TRIM44: variants seen among roughly 807,000 people sequenced by gnomAD.
The protein encoded by TRIM44 is tripartite motif containing 44, also known as tripartite motif-containing protein 44.
A neutral mutation model predicts 37.4 loss-of-function variants in TRIM44; 13 were observed. The ratio of observed to expected loss-of-function variants is 0.35; its 90% confidence interval spans 0.23 to 0.55. The LOEUF (loss-of-function observed/expected upper bound fraction) is 0.55. Ranked by LOEUF, TRIM44 falls within the 20% of genes least tolerant of loss-of-function variation. TRIM44 has a pLI of 0.89. For missense variants in TRIM44, 426 were observed against 437.2 expected (o/e 0.97, Z 0.23); for synonymous variants, 175 against 157.2 (o/e 1.11, Z -0.85).
intron 1 of TRIM44, among the ~76,000 whole-genome samples, chr11:35,668,446 G>T (rs780687395): frequency 6.6e-6 from 1 of 152,224 alleles, no homozygotes; most frequent in Non-Finnish European, 1.5e-5. Context: ...GCTCCCACTT[G>T]TAAGTGAGAA....
At chr11:35,679,464 A>G (rs2135487754) in intron 1 of TRIM44, among the ~76,000 whole-genome samples, 1 of 152,340 alleles carries the variant, frequency 6.6e-6, no homozygotes, top group Non-Finnish European at 1.5e-5. Context: ...AACACAAGGA[A>G]CATTAGAGGT....
Position 35,663,080 on chromosome 11 carries a change from C to A in TRIM44, c.-32C>A. 6.7e-7 allele frequency: 1 copy of A among 1,488,270 alleles called. No homozygotes were observed. The highest frequency in any genetic ancestry group is 8.9e-7 in the Non-Finnish European group (1 of 1,127,114). The allele number at this position is 1,488,270 out of a possible 1,614,324, so 92.2% of individuals were successfully genotyped here. A position where few individuals can be genotyped will look rare whatever the true frequency, so the allele number is the denominator to read the frequency against. ...GGAAGGAAGGCGGCGAGCCCCGGGG[C>A]CCCGAGGCCTTGGCCGCGTCACAGC... On this transcript the variant is annotated 5_prime_UTR_variant, in exon 1 of 5. Transcript: ENST00000299413.
intron 2 of TRIM44, among the ~76,000 whole-genome samples, chr11:35,691,777 T>A (rs1367783770): frequency 6.6e-6 from 1 of 152,162 alleles, no homozygotes; most frequent in Non-Finnish European, 1.5e-5. Flanking sequence ...CCCAAGTAGT[T>A]GGGACTATAG....
At chr11:35,672,197 A>G (rs1162484681) in intron 1 of TRIM44, among the ~76,000 whole-genome samples, 5 of 152,220 alleles carry the variant, frequency 3.3e-5, no homozygotes, top group Admixed American at 1.3e-4. Flanking sequence ...TAGAGGAAAT[A>G]TATTTTATAC....
chr11:35,799,269 A>G (rs1853333938), intron 4 of TRIM44, among the ~76,000 whole-genome samples: 1 of 152,176 alleles, frequency 6.6e-6, no homozygotes. Flanking sequence ...AAAACAGTAA[A>G]TAGGCTGCAA....
intron 4 of TRIM44, among the ~76,000 whole-genome samples, chr11:35,761,866 T>C (rs1025972524): frequency 1.3e-4 from 20 of 152,228 alleles, no homozygotes; most frequent in African/African-American, 4.3e-4. Context: ...GTGACTTACC[T>C]TCCCTGTTTG....
chr11:35,695,746 C>T (rs1180674877), intron 2 of TRIM44, among the ~76,000 whole-genome samples: 4 of 152,076 alleles, frequency 2.6e-5, no homozygotes, highest in African/African-American at 9.7e-5. Flanking sequence ...TTGGTTATTT[C>T]TGTGGTCTAC....
intron 4 of TRIM44, among the ~76,000 whole-genome samples, chr11:35,760,386 C>T (rs1852707754): frequency 6.6e-6 from 1 of 152,208 alleles, no homozygotes; most frequent in African/African-American, 2.4e-5. Context: ...TTACAGGTGC[C>T]ATCTGTCACC....
chr11:35,729,432 C>A (rs1365201092), intron 3 of TRIM44, among the ~76,000 whole-genome samples: 3 of 152,154 alleles, frequency 2.0e-5, no homozygotes, highest in Non-Finnish European at 2.9e-5. Flanking sequence ...CTGACTTCTG[C>A]CGTACCCTGC....
At chr11:35,668,199 A>C (rs1304047067) in intron 1 of TRIM44, among the ~76,000 whole-genome samples, 1 of 151,308 alleles carries the variant, frequency 6.6e-6, no homozygotes, top group Admixed American at 6.6e-5. Context: ...CCAACATTTT[A>C]TTATTTTTAG....
intron 1 of TRIM44, among the ~76,000 whole-genome samples, chr11:35,665,586 G>GTTTTTTTTTTTTTTTTTTTT (rs35522287): frequency 2.8e-5 from 2 of 71,518 alleles, no homozygotes; most frequent in African/African-American, 5.7e-5. Context: ...TTATATATCT[G>GTTTTTTTTTTTTTTTTTTTT]TTTTTTTTTT....
intron 4 of TRIM44, among the ~76,000 whole-genome samples, chr11:35,745,491 G>A (rs913642064): frequency 2.0e-5 from 3 of 152,280 alleles, no homozygotes; most frequent in Admixed American, 2.0e-4. Flanking sequence ...GGAAAGCACA[G>A]TAAGTCCTCA....
intron 4 of TRIM44, among the ~76,000 whole-genome samples, chr11:35,796,893 T>C (rs890596640): frequency 6.6e-6 from 1 of 152,220 alleles, no homozygotes; most frequent in African/African-American, 2.4e-5. Context: ...CCAGGTCATC[T>C]CCCTGCAGAC....
At chr11:35,760,619 A>G (rs1158268909) in intron 4 of TRIM44, among the ~76,000 whole-genome samples, 1 of 152,186 alleles carries the variant, frequency 6.6e-6, no homozygotes, top group Non-Finnish European at 1.5e-5. Flanking sequence ...AACTGTTCCT[A>G]TTCGGCCATC....
At chr11:35,756,799 G>C (rs1852649750) in intron 4 of TRIM44, among the ~76,000 whole-genome samples, 1 of 152,164 alleles carries the variant, frequency 6.6e-6, no homozygotes, top group Admixed American at 6.5e-5. Context: ...TTTATATGCT[G>C]GATTACGTTT....
At chr11:35,697,777 A>G (rs981856705) in intron 2 of TRIM44, among the ~76,000 whole-genome samples, 4 of 151,986 alleles carry the variant, frequency 2.6e-5, no homozygotes, top group Non-Finnish European at 5.9e-5. Flanking sequence ...TACAAAGGAC[A>G]TGAACTCATC....
intron 2 of TRIM44, among the ~76,000 whole-genome samples, chr11:35,692,259 T>G (rs1429598451): frequency 1.3e-5 from 2 of 152,192 alleles, no homozygotes; most frequent in Admixed American, 1.3e-4. Context: ...TGATATATGC[T>G]TTTTAAATAT....
intron 4 of TRIM44, among the ~76,000 whole-genome samples, chr11:35,752,556 CT>C (rs1186137018): frequency 6.6e-6 from 1 of 151,664 alleles, no homozygotes; most frequent in Non-Finnish European, 1.5e-5. Flanking sequence ...CCCCAAATAT[CT>C]CTCGAGTCAG....
chr11:35,706,801 A>G (rs538621408), intron 2 of TRIM44, among the ~76,000 whole-genome samples: 12 of 152,046 alleles, frequency 7.9e-5, no homozygotes. Context: ...CCCACAGCCA[A>G]TATCATACTG....
Sources: gnomAD v4.1 joint callset for allele counts (sites outside exome capture counted in the v4.1 genomes callset) on GRCh38, gnomAD v4.1.1 for gene constraint, MANE v1.5 for transcripts, NCBI Gene and HGNC (gene_info 2026-07-23, HGNC 2026-07-21) for gene names.